Variants in ACOXL observed in about 807,000 individuals in gnomAD.
The protein encoded by ACOXL is acyl-coenzyme A oxidase-like protein.
Under a neutral mutation model 71.9 loss-of-function variants are expected in ACOXL, and 70 were observed. The ratio of observed to expected loss-of-function variants is 0.97; its 90% CI spans 0.80 to 1.19. ACOXL has a LOEUF of 1.19. ACOXL is among the 50% of genes most tolerant of loss of function. The probability of loss-of-function intolerance (pLI) is 0.00; values close to 1 mark genes in which losing one functional copy is unlikely to be tolerated. For missense variants in ACOXL, 703 were observed against 736.3 expected (o/e 0.95, Z 0.52); for synonymous variants, 253 against 281.6 (o/e 0.90, Z 1.02).
intron 14 of ACOXL, among the ~76,000 whole-genome samples, chr2:111,026,323 C>G (rs1355242119): frequency 6.6e-6 from 1 of 152,068 alleles, no homozygotes; most frequent in East Asian, 1.9e-4. Context: ...TGCTGGCATT[C>G]ATTTTGATTG....
At chr2:110,925,368 T>C (rs1471502228) in intron 11 of ACOXL, among the ~76,000 whole-genome samples, 1 of 152,278 alleles carries the variant, frequency 6.6e-6, no homozygotes, top group Non-Finnish European at 1.5e-5. Context: ...TGAAAATATG[T>C]TGTTGAGTGT....
At chr2:110,974,335 T>G (rs935960958) in intron 12 of ACOXL, among the ~76,000 whole-genome samples, 1 of 152,220 alleles carries the variant, frequency 6.6e-6, no homozygotes, top group African/African-American at 2.4e-5. Context: ...GTCCCATGAT[T>G]GAGGGGATGT....
At chr2:110,974,431 G>A (rs1007203268) in intron 12 of ACOXL, among the ~76,000 whole-genome samples, 2 of 152,164 alleles carry the variant, frequency 1.3e-5, no homozygotes, top group African/African-American at 4.8e-5. Context: ...CCAGGGCAGA[G>A]GTTGTAGCCC....
chr2:110,935,633 C>T (rs908715004), intron 12 of ACOXL, among the ~76,000 whole-genome samples: 7 of 152,182 alleles, frequency 4.6e-5, no homozygotes, highest in Admixed American at 2.6e-4. Context: ...CAGAACTCTG[C>T]GCCCAGTAGC....
At chr2:110,785,370 TTGTGTGTGTGTGTG>T (rs34917698) in intron 3 of ACOXL, among the ~76,000 whole-genome samples, 6 of 145,582 alleles carry the variant, frequency 4.1e-5, no homozygotes, top group Non-Finnish European at 6.1e-5. Context: ...ATGCACTCAG[TTGTGTGTGTGTGTG>T]TGTGTGTGTG....
chr2:111,077,508 T>C (rs1468069308), intron 16 of ACOXL, among the ~76,000 whole-genome samples: 1 of 152,236 alleles, frequency 6.6e-6, no homozygotes, highest in Non-Finnish European at 1.5e-5. Context: ...TGTTTACCCT[T>C]TCTGTTGCTC....
At position 111,050,938 on chromosome 2, in the gene ACOXL, C is replaced by T. The variant is rs572337488; in HGVS notation, c.1440+1650C>T. 2.6e-5 allele frequency among the ~76,000 whole-genome samples: 4 copies of T among 152,288 alleles called. No individual in the cohort carries two copies. In the East Asian group the frequency reaches 5.8e-4, roughly 22 times the overall value. On this transcript the variant is annotated intron_variant, in intron 16 of 17. Coordinates refer to ENST00000439055, the MANE Select transcript of ACOXL (RefSeq NM_001142807.4). Reference sequence around the variant, plus strand: ...CTCTGGCTGGCTTCTCTAGCACATTCGGTTAGAAACTAACAGATTGGGGTT... The same window carrying T: ...CTCTGGCTGGCTTCTCTAGCACATTTGGTTAGAAACTAACAGATTGGGGTT...
At chr2:110,834,402 A>G (rs986374560) in intron 9 of ACOXL, among the ~76,000 whole-genome samples, 1 of 152,216 alleles carries the variant, frequency 6.6e-6, no homozygotes, top group Non-Finnish European at 1.5e-5. Context: ...AGAGAAGCAA[A>G]GGAACTAGAG....
intron 3 of ACOXL, among the ~76,000 whole-genome samples, chr2:110,792,847 G>C (rs1684809739): frequency 6.6e-6 from 1 of 152,154 alleles, no homozygotes; most frequent in Admixed American, 6.5e-5. Flanking sequence ...GCAAAGGCTT[G>C]GTGGTTGACT....
chr2:110,803,957 G>T (rs1686307104), intron 8 of ACOXL, among the ~76,000 whole-genome samples: 1 of 150,494 alleles, frequency 6.6e-6, no homozygotes, highest in Non-Finnish European at 1.5e-5. Flanking sequence ...AAACCACTGT[G>T]AATACCACTC....
chr2:110,767,534 A>T (rs1027212654), intron 1 of ACOXL, among the ~76,000 whole-genome samples: 2 of 152,204 alleles, frequency 1.3e-5, no homozygotes, highest in African/African-American at 4.8e-5. Flanking sequence ...TGTGAGGCTC[A>T]ACCATCAGCT....
chr2:110,769,883 A>G (rs1216642092), intron 2 of ACOXL, among the ~76,000 whole-genome samples: 8 of 151,910 alleles, frequency 5.3e-5, no homozygotes, highest in African/African-American at 1.7e-4. Context: ...CCAAAACACT[A>G]AACAAATACT....
rs528775058 is a variant in ACOXL at position 110,888,976 on chromosome 2, A to G, written c.789-19813A>G. 3.9e-5 allele frequency among the ~76,000 whole-genome samples: 6 copies of G among 152,360 alleles called. No individual in the cohort carries two copies. The South Asian group carries it at 1.0e-3, about 26-fold the overall frequency. ...TCTAAAGAGAATTGCAGGAAAAACCAAAGACGCCAGACCAGTAGCTTTTGT... is the reference window on the plus strand; with the variant it reads ...TCTAAAGAGAATTGCAGGAAAAACCGAAGACGCCAGACCAGTAGCTTTTGT... On this transcript the variant is annotated intron_variant, in intron 10 of 17. Coordinates refer to ENST00000439055, the MANE Select transcript of ACOXL (RefSeq NM_001142807.4).
At chr2:110,770,109 G>A (rs1012947732) in intron 2 of ACOXL, among the ~76,000 whole-genome samples, 7 of 152,246 alleles carry the variant, frequency 4.6e-5, no homozygotes, top group African/African-American at 1.2e-4. Flanking sequence ...TAAGGGAGGA[G>A]CCTGAACTAG....
chr2:110,926,351 T>G (rs534637813), intron 11 of ACOXL, among the ~76,000 whole-genome samples: 93 of 152,294 alleles, frequency 6.1e-4, no homozygotes, highest in African/African-American at 2.1e-3. Flanking sequence ...CTGCACCTAC[T>G]TTGGGTTGTC....
At chr2:110,955,011 C>A (rs751101106) in intron 12 of ACOXL, among the ~76,000 whole-genome samples, 9 of 151,270 alleles carry the variant, frequency 5.9e-5, no homozygotes, top group Non-Finnish European at 1.3e-4. Flanking sequence ...TTTTTTCTTT[C>A]TGTTTCTTTT....
chr2:110,851,383 T>A lies in ACOXL; in HGVS notation c.788+9978T>A, dbSNP rs528201129. 2.0e-4 allele frequency among the ~76,000 whole-genome samples: 31 copies of A among 152,116 alleles called. No homozygotes were observed. In the South Asian group the frequency reaches 6.2e-3, roughly 31 times the overall value. On this transcript the variant is annotated intron_variant, in intron 10 of 17. Transcript: ENST00000439055. ...TTTTTCCAAGTGCTTCTGGGTATGG[T>A]TTGAGGGGGTTCTTTATGTGGAATT...
At chr2:111,096,155 T>C (rs1299080409) in intron 17 of ACOXL, among the ~76,000 whole-genome samples, 1 of 152,184 alleles carries the variant, frequency 6.6e-6, no homozygotes, top group Admixed American at 6.5e-5. Context: ...TTTCTTCAGA[T>C]GCATCTAACA....
chr2:110,963,611 C>CT lies in ACOXL; in HGVS notation c.1060-23494dup, dbSNP rs749009746. 1.9e-6 allele frequency: 3 copies of CT among 1,610,008 alleles called. No individual in the cohort carries two copies. In the Admixed American group the frequency reaches 5.0e-5, roughly 27 times the overall value. On this transcript the variant is annotated intron_variant, in intron 12 of 17. Transcript: ENST00000439055. The stretch of plus-strand genomic sequence containing the variant: ...TGTGTGTGTGTGTGTGTGTTTTTCT[C>CT]TTTCTGCAACAGGGTTACATGATGG...
Sources: gnomAD v4.1 joint callset for allele counts (sites outside exome capture counted in the v4.1 genomes callset) on GRCh38, gnomAD v4.1.1 for gene constraint, MANE v1.5 for transcripts, NCBI Gene and HGNC (gene_info 2026-07-23, HGNC 2026-07-21) for gene names.